PLSCR4: variants seen among roughly 807,000 people sequenced by gnomAD.
PLSCR4 encodes the protein phospholipid scramblase 4.
PLSCR4 carries 25 observed loss-of-function variants against 36.3 expected under a neutral mutation model. That is an observed-to-expected ratio of 0.69 (90% CI 0.50 to 0.96). The LOEUF is 0.96. Among genes scored for constraint, PLSCR4 ranks in the 40% least tolerant of loss-of-function variants. The probability of loss-of-function intolerance (pLI) is 0.00; values close to 1 mark genes in which losing one functional copy is unlikely to be tolerated. For missense variants in PLSCR4, 408 were observed against 414.7 expected (o/e 0.98, Z 0.14); for synonymous variants, 122 against 132.9 (o/e 0.92, Z 0.56).
chr3:146,203,712 A>C (rs143985293), intron 4 of PLSCR4, among the ~76,000 whole-genome samples: 1 of 152,010 alleles, frequency 6.6e-6, no homozygotes, highest in South Asian at 2.1e-4. Flanking sequence ...CTCAGCCTAC[A>C]TAGAATTTAG....
At chr3:146,199,742 T>C (rs764207795) in intron 6 of PLSCR4, 71 bp downstream of exon 6, 51 of 1,219,650 alleles carry the variant, frequency 4.2e-5, no homozygotes, top group Non-Finnish European at 6.0e-5. Context: ...CCCTATGTAG[T>C]GGAAGGAGCA....
At chr3:146,229,592 C>CATTT (rs202235802) in intron 1 of PLSCR4, among the ~76,000 whole-genome samples, 76 of 57,318 alleles carry the variant, frequency 1.3e-3, no homozygotes, top group East Asian at 4.0e-3. Flanking sequence ...TTTTATTTTT[C>CATTT]ATTTATTTAT....
At chr3:146,218,590 A>G (rs2034997788) in intron 3 of PLSCR4, among the ~76,000 whole-genome samples, 1 of 152,148 alleles carries the variant, frequency 6.6e-6, no homozygotes, top group African/African-American at 2.4e-5. Context: ...AGGAAAACAT[A>G]TGATGAAATT....
At position 146,199,773 on chromosome 3, in the gene PLSCR4, G is replaced by T. The variant is rs749886492; in HGVS notation, c.624+40C>A. The T allele has an allele frequency of 8.8e-6, 13 of 1,483,800 alleles. No homozygotes were observed. The East Asian group carries it at 9.1e-5, about 10-fold the overall frequency. The allele number at this position is 1,483,800 out of a possible 1,614,324, so 91.9% of individuals were successfully genotyped here. On this transcript the variant is annotated intron_variant, in intron 6 of 8. Coordinates refer to ENST00000354952, the MANE Select transcript of PLSCR4 (RefSeq NM_020353.3). Reference sequence around the variant, plus strand: ...GAGCACACTATGCCATGAAGAGTTAGATCAGAAGCAAGCTGTGGATCAGAC... The same window carrying T: ...GAGCACACTATGCCATGAAGAGTTATATCAGAAGCAAGCTGTGGATCAGAC...
At chr3:146,234,320 G>A (rs2035830488) in intron 1 of PLSCR4, among the ~76,000 whole-genome samples, 1 of 152,084 alleles carries the variant, frequency 6.6e-6, no homozygotes, top group African/African-American at 2.4e-5. Context: ...TTGAGCAGGG[G>A]AATGAGCATC....
chr3:146,241,906 C>T (rs564329434), intron 1 of PLSCR4, among the ~76,000 whole-genome samples: 2 of 152,284 alleles, frequency 1.3e-5, no homozygotes, highest in African/African-American at 2.4e-5. Flanking sequence ...CACATTTCTA[C>T]GTAATCTAAA....
At chr3:146,215,056 T>A (rs2034830892) in intron 3 of PLSCR4, among the ~76,000 whole-genome samples, 1 of 152,120 alleles carries the variant, frequency 6.6e-6, no homozygotes, top group Non-Finnish European at 1.5e-5. Flanking sequence ...TTCCTCAAAG[T>A]ATGTTTTGTC....
Position 146,194,288 on chromosome 3 carries a change from C to T in PLSCR4, c.*123G>A. 1 of 705,414 alleles carries T rather than the reference C, an allele frequency of 1.4e-6. No individual in the cohort carries two copies. Among genetic ancestry groups the T allele is most frequent in the South Asian group, 1.7e-5 (1 of 58,232 alleles). 43.7% of individuals were successfully genotyped at this position (705,414 alleles called of 1,614,324 possible). A position where few individuals can be genotyped will look rare whatever the true frequency, so the allele number is the denominator to read the frequency against. ...CCACTCTCAGCTGTCAAAGTTAACACCCAATAAAAATACTCTACAAAGCAA... is the reference window on the plus strand; with the variant it reads ...CCACTCTCAGCTGTCAAAGTTAACATCCAATAAAAATACTCTACAAAGCAA... On this transcript the variant is annotated 3_prime_UTR_variant, in exon 9 of 9. Transcript: ENST00000354952.
chr3:146,200,427 T>C (rs1236462677), intron 5 of PLSCR4, among the ~76,000 whole-genome samples: 1 of 152,090 alleles, frequency 6.6e-6, no homozygotes, highest in Non-Finnish European at 1.5e-5. Flanking sequence ...GGGTCATTAC[T>C]AATTACAAAC....
At chr3:146,209,684 GATTA>G (rs1412138425) in intron 3 of PLSCR4, among the ~76,000 whole-genome samples, 1 of 151,914 alleles carries the variant, frequency 6.6e-6, no homozygotes. Flanking sequence ...AAGTTTTTAA[GATTA>G]ATTAATTAAA....
Position 146,214,392 on chromosome 3 carries a change from G to T in PLSCR4, c.118+6423C>A, listed in dbSNP as rs1438270688. Among the ~76,000 whole-genome samples, 4 of 9,564 alleles carry T rather than the reference G, an allele frequency of 4.2e-4. 1 individual carries two copies. Among genetic ancestry groups the T allele is most frequent in the Non-Finnish European group, 9.2e-4 (3 of 3,264 alleles). 6.3% of individuals were successfully genotyped at this position (9,564 alleles called of 152,430 possible). Reference sequence around the variant, plus strand: ...CCCGCCTTGGCCTCCCAAAGTGCTGGGATTACAGGCGTGAGCCACCGCGCC... The same window carrying T: ...CCCGCCTTGGCCTCCCAAAGTGCTGTGATTACAGGCGTGAGCCACCGCGCC... On this transcript the variant is annotated intron_variant, in intron 3 of 8. Coordinates refer to ENST00000354952, the MANE Select transcript of PLSCR4 (RefSeq NM_020353.3).
intron 3 of PLSCR4, among the ~76,000 whole-genome samples, chr3:146,214,962 G>C (rs952040906): frequency 4.0e-5 from 6 of 151,822 alleles, no homozygotes; most frequent in African/African-American, 1.5e-4. Context: ...TTGTTTTTAT[G>C]TGTATATATG....
intron 1 of PLSCR4, among the ~76,000 whole-genome samples, chr3:146,245,087 G>T (rs2036288515): frequency 6.6e-6 from 1 of 152,062 alleles, no homozygotes. Context: ...TGAGAGAATA[G>T]CAAGAGAACT....
chr3:146,201,702 G>C (rs1029591587), intron 4 of PLSCR4, among the ~76,000 whole-genome samples: 7 of 152,216 alleles, frequency 4.6e-5, no homozygotes, highest in Non-Finnish European at 1.0e-4. Flanking sequence ...ATGTGAACAG[G>C]ATTAGGGGAA....
rs1326201644 is a variant in PLSCR4 at position 146,193,266 on chromosome 3, G to A, written c.*1145C>T. On this transcript the variant is annotated 3_prime_UTR_variant, in exon 9 of 9. Coordinates refer to ENST00000354952, the MANE Select transcript of PLSCR4 (RefSeq NM_020353.3). Reference sequence around the variant, plus strand: ...CTGTGTTTTATTATTATTACTCTGTGTAGATACATATTTATCTATCATGTC... The same window carrying A: ...CTGTGTTTTATTATTATTACTCTGTATAGATACATATTTATCTATCATGTC... 2 of 152,246 alleles carry A rather than the reference G, an allele frequency of 1.3e-5. No homozygotes were observed. Among genetic ancestry groups the A allele is most frequent in the South Asian group, 2.1e-4 (1 of 4,830 alleles). 9.4% of individuals were successfully genotyped at this position (152,246 alleles called of 1,614,324 possible).
At chr3:146,250,836 A>C (rs2036518844) in intron 1 of PLSCR4, 124 bp downstream of exon 1, 1 of 152,248 alleles carries the variant, frequency 6.6e-6, no homozygotes, top group Non-Finnish European at 1.5e-5. Context: ...GACGCCGCGC[A>C]ACCTCCGCGC....
At chr3:146,244,077 G>A (rs2036255668) in intron 1 of PLSCR4, among the ~76,000 whole-genome samples, 1 of 152,104 alleles carries the variant, frequency 6.6e-6, no homozygotes, top group Non-Finnish European at 1.5e-5. Context: ...TGTGAGTAAT[G>A]TAAGAAAATG....
At chr3:146,244,088 A>T (rs972464903) in intron 1 of PLSCR4, among the ~76,000 whole-genome samples, 2 of 152,198 alleles carry the variant, frequency 1.3e-5, no homozygotes, top group African/African-American at 4.8e-5. Flanking sequence ...TAAGAAAATG[A>T]TTACTTATCA....
chr3:146,216,604 G>A (rs983737256), intron 3 of PLSCR4, among the ~76,000 whole-genome samples: 2 of 152,208 alleles, frequency 1.3e-5, no homozygotes, highest in Admixed American at 6.5e-5. Flanking sequence ...GGCATAAGGA[G>A]GTTAAGTAAC....
Sources: gnomAD v4.1 joint callset for allele counts (sites outside exome capture counted in the v4.1 genomes callset) on GRCh38, gnomAD v4.1.1 for gene constraint, MANE v1.5 for transcripts, NCBI Gene and HGNC (gene_info 2026-07-23, HGNC 2026-07-21) for gene names.